AFG2A: variants seen among roughly 807,000 people sequenced by gnomAD.
AFG2A encodes AAA ATPase AFG2A.
the AFG2A span, among the ~76,000 whole-genome samples, chr4:123,305,994 C>T: frequency 1.3e-5 from 2 of 152,156 alleles, no homozygotes; most frequent in South Asian, 2.1e-4. Context: ...CTTCTCATCC[C>T]GCGGAGTTGC....
the AFG2A span, among the ~76,000 whole-genome samples, chr4:123,303,434 C>A: frequency 6.6e-6 from 1 of 152,100 alleles, no homozygotes; most frequent in Non-Finnish European, 1.5e-5. Context: ...AGGTTATACA[C>A]TGAATATATA....
chr4:122,929,274 A>G, the AFG2A span: 2 of 1,431,666 alleles, frequency 1.4e-6, no homozygotes, highest in Non-Finnish European at 1.8e-6. Context: ...TGTAAACCAC[A>G]TATGTAATTT....
the AFG2A span, among the ~76,000 whole-genome samples, chr4:123,165,779 G>A: frequency 3.3e-5 from 5 of 152,028 alleles, no homozygotes; most frequent in Non-Finnish European, 7.4e-5. Context: ...TACCCTAGTT[G>A]ACTATAAAGT....
At chr4:123,057,584 G>T in the AFG2A span, among the ~76,000 whole-genome samples, 1 of 151,898 alleles carries the variant, frequency 6.6e-6, no homozygotes, top group South Asian at 2.1e-4. Context: ...TCAAAATTAG[G>T]GTTATTGTAA....
the AFG2A span, among the ~76,000 whole-genome samples, chr4:123,214,959 G>A: frequency 9.3e-3 from 1,415 of 152,092 alleles, 27 homozygotes; most frequent in African/African-American, 0.032. Flanking sequence ...GAGAGTCTCA[G>A]GTTAAAGGAG....
At chr4:123,045,856 G>A in the AFG2A span, among the ~76,000 whole-genome samples, 3 of 152,050 alleles carry the variant, frequency 2.0e-5, no homozygotes, top group South Asian at 2.1e-4. Context: ...AGCACTTTGC[G>A]GGGCTGAGAT....
chr4:123,082,406 G>GC, the AFG2A span, among the ~76,000 whole-genome samples: 1 of 151,942 alleles, frequency 6.6e-6, no homozygotes, highest in Admixed American at 6.6e-5. Flanking sequence ...CCCTTGTATT[G>GC]CCTTTGCTAC....
At chr4:123,302,886 A>G in the AFG2A span, among the ~76,000 whole-genome samples, 6 of 152,214 alleles carry the variant, frequency 3.9e-5, no homozygotes, top group African/African-American at 1.2e-4. Flanking sequence ...GATTAGGTAG[A>G]TGAGCCAGTG....
the AFG2A span, among the ~76,000 whole-genome samples, chr4:123,288,777 C>T: frequency 1.3e-5 from 2 of 152,156 alleles, no homozygotes; most frequent in Non-Finnish European, 2.9e-5. Context: ...TCAAGGCCGA[C>T]CTCATTCCTG....
the AFG2A span, among the ~76,000 whole-genome samples, chr4:123,101,054 G>A: frequency 1.3e-5 from 2 of 151,838 alleles, no homozygotes; most frequent in African/African-American, 4.8e-5. Flanking sequence ...TCTTGTTTCT[G>A]TCATTCTCTA....
At chr4:123,024,527 G>A in the AFG2A span, among the ~76,000 whole-genome samples, 2 of 152,194 alleles carry the variant, frequency 1.3e-5, no homozygotes, top group Non-Finnish European at 2.9e-5. Flanking sequence ...GTCTTGTCAT[G>A]AATCAATCAT....
chr4:122,972,792 T>C, the AFG2A span, among the ~76,000 whole-genome samples: 1 of 152,218 alleles, frequency 6.6e-6, no homozygotes, highest in East Asian at 1.9e-4. Flanking sequence ...CTATACTTTA[T>C]GATTTCAATC....
chr4:123,289,753 T>C, the AFG2A span, among the ~76,000 whole-genome samples: 1 of 151,898 alleles, frequency 6.6e-6, no homozygotes, highest in Admixed American at 6.6e-5. Context: ...TCATTGTGGT[T>C]TTAATTTGGA....
the AFG2A span, among the ~76,000 whole-genome samples, chr4:123,236,239 T>A: frequency 6.6e-6 from 1 of 152,212 alleles, no homozygotes; most frequent in Non-Finnish European, 1.5e-5. Context: ...AACTGAGATC[T>A]TCTGGATGTG....
the AFG2A span, among the ~76,000 whole-genome samples, chr4:123,238,254 G>A: frequency 2.6e-5 from 4 of 152,232 alleles, no homozygotes; most frequent in East Asian, 7.7e-4. Flanking sequence ...ACAGGGCATA[G>A]CTGAACAAAA....
At chr4:123,169,712 C>T in the AFG2A span, among the ~76,000 whole-genome samples, 4 of 152,240 alleles carry the variant, frequency 2.6e-5, no homozygotes, top group South Asian at 8.3e-4. Flanking sequence ...AACTTCTGAC[C>T]TCAAATGATC....
the AFG2A span, among the ~76,000 whole-genome samples, chr4:123,143,192 AG>A: frequency 0.037 from 5,593 of 150,090 alleles, 332 homozygotes; most frequent in African/African-American, 0.12. Flanking sequence ...GAAAAAAAAA[AG>A]AAAGATTATC....
chr4:122,934,003 C>T, the AFG2A span: 1 of 1,354,346 alleles, frequency 7.4e-7, no homozygotes, highest in Non-Finnish European at 9.9e-7. Flanking sequence ...TTGATTTAGT[C>T]TTTTCAGATA....
At chr4:123,177,461 T>G in the AFG2A span, among the ~76,000 whole-genome samples, 3 of 152,144 alleles carry the variant, frequency 2.0e-5, no homozygotes, top group African/African-American at 7.2e-5. Context: ...TTGGGAGACC[T>G]TGGCCTCCCA....
Sources: gnomAD v4.1 joint callset for allele counts (sites outside exome capture counted in the v4.1 genomes callset) on GRCh38, gnomAD v4.1.1 for gene constraint, MANE v1.5 for transcripts, NCBI Gene and HGNC (gene_info 2026-07-23, HGNC 2026-07-21) for gene names.